The following PAAF1 variants were observed in gnomAD, a reference collection of about 807,000 sequenced individuals.
The protein encoded by PAAF1 is proteasomal ATPase-associated factor 1.
PAAF1 carries 46 observed loss-of-function variants against 52.8 expected under a neutral mutation model. The observed-to-expected ratio is 0.87, with a 90% CI of 0.69 to 1.11. PAAF1 has a LOEUF of 1.11. PAAF1 is among the 50% of genes most tolerant of loss of function. The pLI is 0.00. For synonymous variants in PAAF1, 178 were observed against 172.8 expected (o/e 1.03, Z -0.24); for missense variants, 424 against 477.4 (o/e 0.89, Z 1.04).
chr11:73,898,191 GGGGAGA>G (rs1206424431), intron 4 of PAAF1, among the ~76,000 whole-genome samples: 1 of 145,916 alleles, frequency 6.9e-6, no homozygotes, highest in East Asian at 2.1e-4. Flanking sequence ...GGGAGACCGT[GGGGAGA>G]GGGAGGGGGA....
chr11:73,905,285 G>A (rs895609308), intron 6 of PAAF1, among the ~76,000 whole-genome samples: 12 of 151,826 alleles, frequency 7.9e-5, no homozygotes, highest in Middle Eastern at 3.4e-3. Context: ...GTGCAGTGGC[G>A]TGATCTCAGC....
chr11:73,920,861 A>C (rs555852899), intron 10 of PAAF1, among the ~76,000 whole-genome samples: 7 of 151,230 alleles, frequency 4.6e-5, no homozygotes, highest in Admixed American at 6.6e-5. Flanking sequence ...CAAAAAAAAA[A>C]AAAAATTAAA....
chr11:73,876,747 C>G (rs1319734807), upstream of PAAF1: 4 of 331,096 alleles, frequency 1.2e-5, no homozygotes, highest in Non-Finnish European at 2.2e-5. Context: ...ACGCGGTACG[C>G]GATGCTCACC....
At chr11:73,909,305 G>A (rs1591103064) in intron 6 of PAAF1, 94 bp from the exon 7 acceptor site, 3 of 1,130,430 alleles carry the variant, frequency 2.7e-6, no homozygotes, top group Non-Finnish European at 3.8e-6. Context: ...ACATGTTTGT[G>A]AAGGGATGGA....
intron 1 of PAAF1, among the ~76,000 whole-genome samples, chr11:73,878,466 C>A (rs1948807150): frequency 6.6e-6 from 1 of 152,178 alleles, no homozygotes; most frequent in African/African-American, 2.4e-5. Context: ...GTGCTTAGCA[C>A]AGGGCTTGGT....
Position 73,887,384 on chromosome 11 carries a change from G to C in PAAF1, c.119G>C (p.Cys40Ser). 6.2e-7 allele frequency: 1 copy of C among 1,612,788 alleles called. No individual in the cohort carries two copies. Among genetic ancestry groups the C allele is most frequent in the South Asian group, 1.1e-5 (1 of 90,764 alleles). Residue 40 changes from cysteine (C) to serine (S), a missense_variant, in exon 3 of 12, where the codon TGT (cysteine) becomes TCT (serine). Cys to Ser is a moderately radical substitution (Grantham distance 112). Coordinates refer to ENST00000310571, the MANE Select transcript of PAAF1 (RefSeq NM_025155.3). ...CCATCTTTGTATGGCAGCCTGACTTGTCAAGGAATTGGCCTAGATGGCATC... is the reference window on the plus strand; with the variant it reads ...CCATCTTTGTATGGCAGCCTGACTTCTCAAGGAATTGGCCTAGATGGCATC... ...GKPSLYGSLT[C>S]QGIGLDGIPE... is the part of the protein sequence containing the mutation.
intron 4 of PAAF1, among the ~76,000 whole-genome samples, chr11:73,894,634 T>TA (rs74818755): frequency 0.075 from 11,134 of 148,028 alleles, 489 homozygotes; most frequent in East Asian, 0.15. Context: ...AGTATAATAA[T>TA]AAAAAAAAAT....
In PAAF1 at chr11:73,900,342, G is replaced by C. The variant is rs748154777; in HGVS notation, c.454G>C (p.Gly152Arg). The change falls in exon 6 of 12, where the codon GGG (glycine) becomes CGG (arginine). Residue 152 changes from glycine (G) to arginine (R), a missense_variant. By Grantham distance (125) the Gly-to-Arg change is moderately radical. Coordinates refer to ENST00000310571, the MANE Select transcript of PAAF1 (RefSeq NM_025155.3). ...FFPSGLVVLS[G>R]GMDAQLKIWS... is the part of the protein sequence containing the mutation. The stretch of plus-strand genomic sequence containing the variant: ...CCCATCAGGCCTTGTGGTCCTGAGT[G>C]GGGGAATGGATGCCCAGCTGAAGAT... 1.2e-6 allele frequency: 2 copies of C among 1,613,090 alleles called. No homozygotes were observed. Among genetic ancestry groups the C allele is most frequent in the South Asian group, 1.1e-5 (1 of 90,942 alleles).
intron 2 of PAAF1, among the ~76,000 whole-genome samples, chr11:73,881,830 C>T (rs1196264086): frequency 1.3e-5 from 2 of 152,032 alleles, no homozygotes; most frequent in Non-Finnish European, 2.9e-5. Flanking sequence ...CCTCAGCCTC[C>T]CAAGTAGCTA....
intron 2 of PAAF1, 23 bp from the exon 3 acceptor site, chr11:73,887,331 C>A (rs1387460630): frequency 1.6e-5 from 24 of 1,534,388 alleles, no homozygotes; most frequent in Non-Finnish European, 3.5e-6. Context: ...TTTTTTGAGA[C>A]ATGCTTCTTT....
At chr11:73,876,950 T>C (rs1948757038), upstream of PAAF1, 2 of 1,433,150 alleles carry the variant, frequency 1.4e-6, no homozygotes, top group South Asian at 1.5e-5. Flanking sequence ...ACCTCTGTCC[T>C]CGCCGCACGC....
chr11:73,878,702 C>T, intron 1 of PAAF1, 77 bp from the exon 2 acceptor site: 1 of 1,372,476 alleles, frequency 7.3e-7, no homozygotes, highest in East Asian at 2.3e-5. Context: ...GTTACATGAC[C>T]TTCTTTCTTC....
intron 6 of PAAF1, among the ~76,000 whole-genome samples, chr11:73,903,559 A>G (rs1009105881): frequency 3.3e-5 from 5 of 151,624 alleles, no homozygotes; most frequent in African/African-American, 9.7e-5. Flanking sequence ...TCTACTAAAA[A>G]TACAAAAATG....
intron 6 of PAAF1, among the ~76,000 whole-genome samples, chr11:73,901,707 A>G (rs545366605): frequency 6.6e-6 from 1 of 151,812 alleles, no homozygotes; most frequent in African/African-American, 2.4e-5. Flanking sequence ...AGTAGCTGGG[A>G]CTACGGGTAC....
intron 3 of PAAF1, among the ~76,000 whole-genome samples, chr11:73,887,796 C>G (rs1006385117): frequency 1.3e-5 from 2 of 152,168 alleles, no homozygotes; most frequent in Non-Finnish European, 2.9e-5. Flanking sequence ...GTCGCCCAGG[C>G]TGGAGTGCAA....
intron 8 of PAAF1, 88 bp from the exon 9 acceptor site, chr11:73,916,457 T>C (rs986572045): frequency 1.7e-5 from 13 of 767,668 alleles, no homozygotes; most frequent in Non-Finnish European, 2.8e-5. Flanking sequence ...TCTCAAAATA[T>C]AGTGAAATTT....
chr11:73,901,410 A>G (rs558225499), intron 6 of PAAF1, among the ~76,000 whole-genome samples: 1 of 152,298 alleles, frequency 6.6e-6, no homozygotes, highest in Non-Finnish European at 1.5e-5. Flanking sequence ...CTATTTTACA[A>G]GTTTGAATAT....
chr11:73,901,106 A>G (rs2135177799), intron 6 of PAAF1, among the ~76,000 whole-genome samples: 1 of 152,090 alleles, frequency 6.6e-6, no homozygotes, highest in South Asian at 2.1e-4. Flanking sequence ...GAGTGAGAGA[A>G]AAGGAGATGT....
At chr11:73,895,869 G>T (rs1462509256) in intron 4 of PAAF1, among the ~76,000 whole-genome samples, 1 of 152,226 alleles carries the variant, frequency 6.6e-6, no homozygotes. Context: ...CACTTTGGGA[G>T]GCCAAGGCAG....
Sources: gnomAD v4.1 joint callset for allele counts (sites outside exome capture counted in the v4.1 genomes callset) on GRCh38, gnomAD v4.1.1 for gene constraint, MANE v1.5 for transcripts, NCBI Gene and HGNC (gene_info 2026-07-23, HGNC 2026-07-21) for gene names.